PTPRM: variants seen among roughly 807,000 people sequenced by gnomAD.
PTPRM encodes protein tyrosine phosphatase receptor type M, also known as receptor-type tyrosine-protein phosphatase mu.
In PTPRM, 47 loss-of-function variants were observed where a neutral mutation model predicts 186.7. The ratio of observed to expected loss-of-function variants is 0.25; its 90% confidence interval spans 0.20 to 0.32. The LOEUF is 0.32. PTPRM is among the 10% of genes least tolerant of loss of function. PTPRM has a pLI of 1.00. For missense variants in PTPRM, 1,494 were observed against 1,865.0 expected, an observed-to-expected ratio of 0.80 and a Z score of 3.66; for synonymous variants, 668 against 674.9, an observed-to-expected ratio of 0.99 and a Z score of 0.16.
chr18:7,958,833 A>T (rs1750462548), intron 7 of PTPRM, among the ~76,000 whole-genome samples: 1 of 152,206 alleles, frequency 6.6e-6, no homozygotes, highest in Non-Finnish European at 1.5e-5. Context: ...ACAGTGAAGT[A>T]AAATAAATTT....
intron 13 of PTPRM, among the ~76,000 whole-genome samples, chr18:8,122,621 A>T (rs1321468997): frequency 6.6e-6 from 1 of 152,234 alleles, no homozygotes; most frequent in Non-Finnish European, 1.5e-5. Context: ...TAGCAATAAC[A>T]TCAAACAGGG....
intron 7 of PTPRM, among the ~76,000 whole-genome samples, chr18:8,043,393 C>T (rs1282167840): frequency 6.6e-6 from 1 of 152,136 alleles, no homozygotes; most frequent in Non-Finnish European, 1.5e-5. Context: ...GATCCCCTGA[C>T]ATTATATCTT....
chr18:7,925,901 C>G (rs559781231), intron 4 of PTPRM, among the ~76,000 whole-genome samples: 36 of 152,296 alleles, frequency 2.4e-4, no homozygotes, highest in African/African-American at 8.4e-4. Context: ...ACAGCTGTCC[C>G]ATATGGACAA....
chr18:8,076,408 T>G (rs1243401868), intron 8 of PTPRM, 47 bp from the exon 9 acceptor site: 26 of 1,158,852 alleles, frequency 2.2e-5, no homozygotes, highest in Non-Finnish European at 3.3e-5. Context: ...AATCTACTTT[T>G]TAATTGTTTA....
intron 2 of PTPRM, among the ~76,000 whole-genome samples, chr18:7,792,576 TAA>T (rs372775642): frequency 3.3e-5 from 5 of 152,234 alleles, no homozygotes; most frequent in African/African-American, 1.2e-4. Flanking sequence ...GACTGACACA[TAA>T]TACATTTTTT....
At chr18:8,118,565 T>A (rs981917960) in intron 13 of PTPRM, among the ~76,000 whole-genome samples, 6 of 152,054 alleles carry the variant, frequency 3.9e-5, no homozygotes, top group Non-Finnish European at 7.4e-5. Flanking sequence ...TTTGGGAGGC[T>A]GAAACAAGAG....
At chr18:7,957,400 T>G (rs559839662) in intron 7 of PTPRM, among the ~76,000 whole-genome samples, 1 of 152,290 alleles carries the variant, frequency 6.6e-6, no homozygotes, top group South Asian at 2.1e-4. Context: ...AAAACCAATT[T>G]TGAATTGATA....
intron 22 of PTPRM, among the ~76,000 whole-genome samples, chr18:8,330,902 G>A (rs1024221248): frequency 4.6e-5 from 7 of 152,124 alleles, no homozygotes; most frequent in Admixed American, 3.9e-4. Context: ...CTGTCCCAGG[G>A]ATCAGGGACT....
chr18:8,360,412 A>G (rs772027487), intron 23 of PTPRM, among the ~76,000 whole-genome samples: 8 of 152,046 alleles, frequency 5.3e-5, no homozygotes, highest in Non-Finnish European at 1.0e-4. Flanking sequence ...AAAACCCTTC[A>G]TACCCGACAA....
At position 8,314,834 on chromosome 18, in the gene PTPRM, T is replaced by A; in HGVS notation, c.2896T>A (p.Tyr966Asn). Reference sequence around the variant, plus strand: ...AATAGAAGGAGACACAAACTCAGACTATATCAATGGCAATTATATCGATGT... The same window carrying A: ...AATAGAAGGAGACACAAACTCAGACAATATCAATGGCAATTATATCGATGT... The part of the protein sequence containing the change: ...QTIEGDTNSD[Y>N]INGNYIDGYH... The change falls in exon 21 of 33, where the codon TAT (tyrosine) becomes AAT (asparagine). Residue 966 changes from tyrosine to asparagine, a missense_variant. Tyr to Asn is a moderately radical substitution (Grantham distance 143, BLOSUM62 -2). This residue lies in a region of PTPRM where 1,107 missense variants were observed against 1,350.2 expected (regional missense o/e 0.82). Coordinates refer to ENST00000580170, the MANE Select transcript of PTPRM (RefSeq NM_001105244.2). 1 of 1,606,134 alleles carries A rather than the reference T, an allele frequency of 6.2e-7. No homozygotes were observed. Among genetic ancestry groups the A allele is most frequent in the South Asian group, 1.1e-5 (1 of 90,618 alleles).
At chr18:8,257,995 G>A (rs1450025382) in intron 19 of PTPRM, among the ~76,000 whole-genome samples, 1 of 152,142 alleles carries the variant, frequency 6.6e-6, no homozygotes, top group African/African-American at 2.4e-5. Context: ...ATTTGATTTT[G>A]TTCTAACAAG....
At chr18:7,969,341 T>C (rs1168891255) in intron 7 of PTPRM, among the ~76,000 whole-genome samples, 5 of 133,790 alleles carry the variant, frequency 3.7e-5, no homozygotes, top group Non-Finnish European at 4.8e-5. Context: ...ACTAAATGCC[T>C]ACAAGAGAAA....
At chr18:8,353,856 C>T (rs1476083475) in intron 23 of PTPRM, among the ~76,000 whole-genome samples, 2 of 152,114 alleles carry the variant, frequency 1.3e-5, no homozygotes, top group African/African-American at 4.8e-5. Context: ...GCTTTGGCTG[C>T]ACTGAGGATA....
At chr18:7,819,408 A>AAGATAGAAGCGGCTGGGT (rs1568175648) in intron 2 of PTPRM, among the ~76,000 whole-genome samples, 1 of 152,192 alleles carries the variant, frequency 6.6e-6, no homozygotes, top group South Asian at 2.1e-4. Flanking sequence ...CTGGCAGAAG[A>AAGATAGAAGCGGCTGGGT]GCACACCGAC....
At chr18:8,084,987 G>A (rs1320278904) in intron 9 of PTPRM, among the ~76,000 whole-genome samples, 3 of 152,026 alleles carry the variant, frequency 2.0e-5, no homozygotes, top group African/African-American at 7.2e-5. Flanking sequence ...AATCACACAT[G>A]GCAATTTAAA....
chr18:8,048,010 G>T (rs947895225), intron 7 of PTPRM, among the ~76,000 whole-genome samples: 2 of 152,188 alleles, frequency 1.3e-5, no homozygotes, highest in African/African-American at 4.8e-5. Context: ...GTAAATAAAT[G>T]ATTGATTCCC....
chr18:7,589,169 A>C (rs917903326), intron 1 of PTPRM, among the ~76,000 whole-genome samples: 2 of 152,138 alleles, frequency 1.3e-5, no homozygotes, highest in Non-Finnish European at 2.9e-5. Context: ...TCTTAAATGA[A>C]ATATGGATTT....
chr18:7,855,053 C>G (rs912089544), intron 2 of PTPRM, among the ~76,000 whole-genome samples: 39 of 152,136 alleles, frequency 2.6e-4, no homozygotes, highest in African/African-American at 9.2e-4. Flanking sequence ...ATTTACCGCT[C>G]TATTTACTAT....
At chr18:7,987,307 G>C (rs1599884293) in intron 7 of PTPRM, among the ~76,000 whole-genome samples, 1 of 152,218 alleles carries the variant, frequency 6.6e-6, no homozygotes, top group African/African-American at 2.4e-5. Context: ...AAGTTGACTT[G>C]GTTATGATGA....
Sources: allele counts gnomAD v4.1 joint callset (sites outside exome capture counted in the v4.1 genomes callset), GRCh38; gene constraint gnomAD v4.1.1; regional missense constraint gnomAD v4.1.1; transcripts MANE v1.5; gene names NCBI Gene and HGNC (gene_info 2026-07-23, HGNC 2026-07-21).